DCC: variants seen among roughly 807,000 people sequenced by gnomAD.
The protein encoded by DCC is DCC netrin 1 receptor, also known as netrin receptor DCC.
DCC carries 58 observed loss-of-function variants against 172.5 expected under a neutral mutation model. That is an observed-to-expected ratio of 0.34 (90% CI 0.27 to 0.42). DCC has a LOEUF of 0.42. Among genes scored for constraint, DCC ranks in the 10% least tolerant of loss-of-function variants. The pLI is 1.00. For synonymous variants in DCC, 709 were observed against 644.5 expected (o/e 1.10, Z -1.52); for missense variants, 1,740 against 1,791.0 (o/e 0.97, Z 0.51).
In DCC at chr18:52,863,469, G is replaced by C. The variant is rs116911532; in HGVS notation, c.413-42575G>C. 9.2e-4 allele frequency among the ~76,000 whole-genome samples: 139 copies of C among 151,784 alleles called. 5 individuals carry two copies. In the East Asian group the frequency reaches 0.022, roughly 25 times the overall value. ...ATGGAACAGGACATATTTACTAGCA[G>C]ACCTACATAACTTTTGTTTTTAAGA... On this transcript the variant is annotated intron_variant, in intron 2 of 28. Transcript: ENST00000442544.
chr18:52,977,691 C>T (rs934061581), intron 5 of DCC, among the ~76,000 whole-genome samples: 19 of 152,002 alleles, frequency 1.2e-4, no homozygotes, highest in Non-Finnish European at 2.4e-4. Flanking sequence ...TGAGACCATC[C>T]TGGCTAACAT....
intron 5 of DCC, among the ~76,000 whole-genome samples, chr18:53,014,307 G>A (rs952386282): frequency 6.6e-6 from 1 of 151,956 alleles, no homozygotes; most frequent in African/African-American, 2.4e-5. Context: ...TACATTTTAA[G>A]TTTTAGGGTA....
At chr18:53,240,661 A>T (rs1257285435) in intron 12 of DCC, among the ~76,000 whole-genome samples, 2 of 152,210 alleles carry the variant, frequency 1.3e-5, no homozygotes, top group African/African-American at 2.4e-5. Context: ...GACTAATACT[A>T]GGTTCCAACT....
At chr18:52,428,285 C>G (rs556284512) in intron 1 of DCC, among the ~76,000 whole-genome samples, 2 of 152,170 alleles carry the variant, frequency 1.3e-5, no homozygotes, top group East Asian at 1.9e-4. Context: ...CCATTTTCAC[C>G]AACCTGTTCT....
chr18:53,157,521 T>C lies in DCC; in HGVS notation c.1418+9T>C. 2 of 1,613,666 alleles carry C rather than the reference T, an allele frequency of 1.2e-6. No individual in the cohort carries two copies. Among genetic ancestry groups the C allele is most frequent in the Non-Finnish European group, 1.7e-6 (2 of 1,179,704 alleles). On this transcript the variant is annotated intron_variant, in intron 8 of 28. Coordinates refer to ENST00000442544, the MANE Select transcript of DCC (RefSeq NM_005215.4). ...AGAGAAGGTGACAACAGGTAGGTGA[T>C]GCTACCAATAAAATTCAGCTTAATC...
intron 5 of DCC, among the ~76,000 whole-genome samples, chr18:53,002,360 C>G (rs531972425): frequency 1.9e-4 from 29 of 152,166 alleles, no homozygotes; most frequent in Non-Finnish European, 3.5e-4. Context: ...TATAAATGCC[C>G]CTGACAATAC....
chr18:53,345,777 C>A (rs912713447), intron 15 of DCC, among the ~76,000 whole-genome samples: 2 of 133,850 alleles, frequency 1.5e-5, no homozygotes, highest in Non-Finnish European at 3.5e-5. Flanking sequence ...TTTTTCTTTC[C>A]TCCAGTTCTT....
chr18:52,355,314 T>C (rs764573950), intron 1 of DCC, among the ~76,000 whole-genome samples: 3 of 152,120 alleles, frequency 2.0e-5, no homozygotes, highest in Non-Finnish European at 4.4e-5. Context: ...CCTTTTCTAC[T>C]GGTAAGGACT....
chr18:52,467,045 A>T (rs1221982), intron 1 of DCC, among the ~76,000 whole-genome samples: 9,852 of 77,074 alleles, frequency 0.13, 476 homozygotes, highest in African/African-American at 0.21. Context: ...TGGTTTTTTT[A>T]AAAAAAAAAT....
chr18:53,530,385 T>C (rs950610735), intron 28 of DCC, 179 bp from the exon 29 acceptor site: 1 of 705,352 alleles, frequency 1.4e-6, no homozygotes, highest in African/African-American at 1.7e-5. Flanking sequence ...CAATCTCTTA[T>C]TATCCCCTTT....
chr18:53,004,684 T>TTTTG (rs143161043), intron 5 of DCC, among the ~76,000 whole-genome samples: 10,898 of 151,544 alleles, frequency 0.072, 622 homozygotes, highest in East Asian at 0.2. Context: ...CAAGATCTGT[T>TTTTG]TTTGTTTGTT....
intron 2 of DCC, among the ~76,000 whole-genome samples, chr18:52,851,328 C>T (rs1439087700): frequency 1.3e-5 from 2 of 152,028 alleles, no homozygotes; most frequent in African/African-American, 4.8e-5. Context: ...GTGTTTAAGA[C>T]TTACTCCAGA....
chr18:53,244,853 C>G (rs753128335), intron 12 of DCC, among the ~76,000 whole-genome samples: 2 of 152,086 alleles, frequency 1.3e-5, no homozygotes, highest in Non-Finnish European at 2.9e-5. Flanking sequence ...GTGATACTGT[C>G]TATGAGATAC....
At chr18:52,740,584 T>C (rs1231105518) in intron 1 of DCC, among the ~76,000 whole-genome samples, 4 of 152,216 alleles carry the variant, frequency 2.6e-5, no homozygotes, top group Non-Finnish European at 5.9e-5. Flanking sequence ...TCCCTGGACC[T>C]GTCAGACCTT....
At chr18:52,920,010 T>C (rs972508819) in intron 3 of DCC, among the ~76,000 whole-genome samples, 4 of 125,970 alleles carry the variant, frequency 3.2e-5, no homozygotes, top group African/African-American at 9.2e-5. Context: ...AACAATAGAA[T>C]GTCCATATAC....
intron 27 of DCC, among the ~76,000 whole-genome samples, chr18:53,501,014 T>C (rs895612954): frequency 6.6e-6 from 1 of 152,160 alleles, no homozygotes; most frequent in Non-Finnish European, 1.5e-5. Context: ...ATTCATTTAC[T>C]GAAATTCTGG....
At chr18:52,366,088 T>C (rs930950065) in intron 1 of DCC, among the ~76,000 whole-genome samples, 1 of 152,182 alleles carries the variant, frequency 6.6e-6, no homozygotes, top group Non-Finnish European at 1.5e-5. Flanking sequence ...CTATCATTTT[T>C]ACGTATATGA....
intron 15 of DCC, among the ~76,000 whole-genome samples, chr18:53,342,460 A>G (rs533391169): frequency 6.6e-6 from 1 of 151,808 alleles, no homozygotes; most frequent in East Asian, 1.9e-4. Flanking sequence ...CAATTGATCT[A>G]TTTATCTATC....
intron 1 of DCC, among the ~76,000 whole-genome samples, chr18:52,472,297 C>A (rs1251636233): frequency 6.6e-6 from 1 of 152,134 alleles, no homozygotes; most frequent in African/African-American, 2.4e-5. Flanking sequence ...ACCAACCCAG[C>A]TTCCTTCCCT....
Sources: gnomAD v4.1 joint callset for allele counts (sites outside exome capture counted in the v4.1 genomes callset) on GRCh38, gnomAD v4.1.1 for gene constraint, MANE v1.5 for transcripts, NCBI Gene and HGNC (gene_info 2026-07-23, HGNC 2026-07-21) for gene names.